Variants in ARHGEF3 observed in about 807,000 individuals in gnomAD.
ARHGEF3 encodes the protein Rho guanine nucleotide exchange factor 3.
A neutral mutation model predicts 63.2 loss-of-function variants in ARHGEF3; 28 were observed. The observed-to-expected ratio is 0.44, with a 90% CI of 0.33 to 0.61. The LOEUF (loss-of-function observed/expected upper bound fraction) is 0.61. Among genes scored for constraint, ARHGEF3 ranks in the 20% least tolerant of loss-of-function variants. The pLI is 0.03. For missense variants in ARHGEF3, 533 were observed against 659.3 expected (o/e 0.81, Z 2.10); for synonymous variants, 266 against 254.2 (o/e 1.05, Z -0.44).
At chr3:56,946,234 A>T (rs906679654) in intron 3 of ARHGEF3, among the ~76,000 whole-genome samples, 4 of 152,220 alleles carry the variant, frequency 2.6e-5, no homozygotes, top group African/African-American at 4.8e-5. Flanking sequence ...TCCTCCTCCA[A>T]AGGAATACAG....
intron 3 of ARHGEF3, among the ~76,000 whole-genome samples, chr3:56,893,337 C>T (rs2041186172): frequency 6.6e-6 from 1 of 152,124 alleles, no homozygotes; most frequent in African/African-American, 2.4e-5. Context: ...GCCACTGTGT[C>T]CAGCTAATTA....
chr3:57,025,357 A>T (rs1476514653), intron 2 of ARHGEF3, among the ~76,000 whole-genome samples: 4 of 152,228 alleles, frequency 2.6e-5, no homozygotes, highest in Admixed American at 6.5e-5. Context: ...CGATTTACCA[A>T]GGAATTTCAT....
intron 2 of ARHGEF3, among the ~76,000 whole-genome samples, chr3:56,993,820 C>G (rs1701859855): frequency 6.6e-6 from 1 of 151,220 alleles, no homozygotes. Context: ...GTAATCCCAG[C>G]ACTTTGGGAG....
chr3:56,736,432 T>A (rs943575891), intron 8 of ARHGEF3, among the ~76,000 whole-genome samples: 1 of 152,170 alleles, frequency 6.6e-6, no homozygotes, highest in African/African-American at 2.4e-5. Context: ...ATGCAACCAA[T>A]AGAAGATAGG....
chr3:56,948,535 T>C (rs1578921877), intron 3 of ARHGEF3, among the ~76,000 whole-genome samples: 1 of 152,132 alleles, frequency 6.6e-6, no homozygotes, highest in African/African-American at 2.4e-5. Context: ...CTAGAAGAAA[T>C]GGATAAATTC....
intron 1 of ARHGEF3, among the ~76,000 whole-genome samples, chr3:57,071,199 C>T (rs115672657): frequency 6.8e-4 from 104 of 152,182 alleles, no homozygotes; most frequent in Admixed American, 2.6e-3. Flanking sequence ...AGTGTCAAAA[C>T]AATTTAATGG....
chr3:56,911,348 A>G (rs2041846652), intron 3 of ARHGEF3, among the ~76,000 whole-genome samples: 1 of 152,194 alleles, frequency 6.6e-6, no homozygotes, highest in Non-Finnish European at 1.5e-5. Flanking sequence ...GGAAGCTAGA[A>G]TATGGACAGA....
At chr3:57,002,462 C>CTATATATATATATATGTTATATATATATA (rs1293575589) in intron 2 of ARHGEF3, among the ~76,000 whole-genome samples, 16 of 38,666 alleles carry the variant, frequency 4.1e-4, no homozygotes, top group East Asian at 8.9e-4. Flanking sequence ...GTTCTAAGCA[C>CTATATATATATATATGTTATATATATATA]TATATATATA....
At chr3:56,920,769 A>G (rs969002874) in intron 3 of ARHGEF3, among the ~76,000 whole-genome samples, 3 of 152,216 alleles carry the variant, frequency 2.0e-5, no homozygotes, top group African/African-American at 7.2e-5. Context: ...TCTCATGGCC[A>G]AGGCCGGGCA....
intron 2 of ARHGEF3, 142 bp from the exon 3 acceptor site, chr3:56,755,293 G>A: frequency 1.0e-6 from 1 of 955,784 alleles, no homozygotes; most frequent in Non-Finnish European, 1.5e-6. Context: ...TGGGAAGTGG[G>A]GCATTGTCTT....
At chr3:56,955,268 T>TC (rs1285703837) in intron 3 of ARHGEF3, among the ~76,000 whole-genome samples, 2 of 151,434 alleles carry the variant, frequency 1.3e-5, no homozygotes, top group African/African-American at 4.9e-5. Context: ...CAACCATCGC[T>TC]CCCTGCAGGC....
At position 56,732,438 on chromosome 3, in the gene ARHGEF3, A is replaced by G. The variant is rs189941762; in HGVS notation, c.1042-14T>C. 11 of 1,614,056 alleles carry G rather than the reference A, an allele frequency of 6.8e-6. No homozygotes were observed. The highest frequency in any genetic ancestry group is 9.3e-6 in the Non-Finnish European group (11 of 1,179,906). ...AACATGCAGTTTCTAGAAGAAAAAA[A>G]TCCACAAGCTTTCATTAAGCAATAA... On this transcript the variant is annotated splice_polypyrimidine_tract_variant and intron_variant, in intron 8 of 9. Coordinates refer to ENST00000296315, the MANE Select transcript of ARHGEF3 (RefSeq NM_019555.3).
chr3:56,924,451 A>G, intron 3 of ARHGEF3, among the ~76,000 whole-genome samples: 1 of 152,222 alleles, frequency 6.6e-6, no homozygotes. Flanking sequence ...GATCTCATGC[A>G]AGAAAGAATT....
chr3:57,046,910 C>T (rs755871), intron 1 of ARHGEF3, among the ~76,000 whole-genome samples: 2,942 of 152,254 alleles, frequency 0.019, 96 homozygotes, highest in African/African-American at 0.066. Flanking sequence ...ATTCTAGTTT[C>T]GTTTACATGA....
At chr3:56,977,149 T>G in intron 2 of ARHGEF3, 2 of 434,424 alleles carry the variant, frequency 4.6e-6, no homozygotes, top group Non-Finnish European at 4.6e-6. Context: ...GGCCAGACAG[T>G]CCAATTCCAG....
intron 1 of ARHGEF3, among the ~76,000 whole-genome samples, chr3:57,053,510 T>C (rs1289676040): frequency 1.3e-5 from 2 of 152,202 alleles, no homozygotes; most frequent in Non-Finnish European, 2.9e-5. Flanking sequence ...ACCAATAAAG[T>C]AGTTTGCAAC....
rs960295660 is a variant in ARHGEF3 at position 56,773,912 on chromosome 3, T to C, written c.97-96A>G. On this transcript the variant is annotated intron_variant, in intron 1 of 9. Coordinates refer to ENST00000296315, the MANE Select transcript of ARHGEF3 (RefSeq NM_019555.3). The stretch of plus-strand genomic sequence containing the variant: ...AACTGTGTTCCACTCCACAAGGTAC[T>C]GGTTGTACACTGATCTATGGAATAT... 4 of 993,130 alleles carry C rather than the reference T, an allele frequency of 4.0e-6. No individual in the cohort carries two copies. In the African/African-American group the frequency reaches 5.0e-5, roughly 12 times the overall value. The allele number at this position is 993,130 out of a possible 1,614,324, so 61.5% of individuals were successfully genotyped here. A position where few individuals can be genotyped will look rare whatever the true frequency, so the allele number is the denominator to read the frequency against.
At chr3:56,920,197 G>A (rs1454666078) in intron 3 of ARHGEF3, among the ~76,000 whole-genome samples, 1 of 152,176 alleles carries the variant, frequency 6.6e-6, no homozygotes, top group East Asian at 1.9e-4. Context: ...ATATAGAGTT[G>A]AATCATATAT....
intron 1 of ARHGEF3, among the ~76,000 whole-genome samples, chr3:57,077,548 G>A (rs536299215): frequency 6.6e-6 from 1 of 152,156 alleles, no homozygotes; most frequent in Non-Finnish European, 1.5e-5. Flanking sequence ...AATGGGTGCA[G>A]ACCAGGAAAA....
Sources: gnomAD v4.1 joint callset for allele counts (sites outside exome capture counted in the v4.1 genomes callset) on GRCh38, gnomAD v4.1.1 for gene constraint, MANE v1.5 for transcripts, NCBI Gene and HGNC (gene_info 2026-07-23, HGNC 2026-07-21) for gene names.